The following ZBTB20 variants were observed in gnomAD, a reference collection of about 807,000 sequenced individuals.
ZBTB20 encodes the protein zinc finger and BTB domain containing 20.
Under a neutral mutation model 56.9 loss-of-function variants are expected in ZBTB20, and 9 were observed. That is an observed-to-expected ratio of 0.16 (90% CI 0.10 to 0.28). ZBTB20 has a LOEUF of 0.28. ZBTB20 is among the 10% of genes least tolerant of loss of function. ZBTB20 has a pLI of 1.00. For synonymous variants in ZBTB20, 417 were observed against 420.7 expected, an observed-to-expected ratio of 0.99 and a Z score of 0.11; for missense variants, 655 against 1,003.0, an observed-to-expected ratio of 0.65 and a Z score of 4.69.
chr3:114,900,473 T>C (rs529288009), intron 3 of ZBTB20, 131 bp from the exon 4 acceptor site: 2 of 151,490 alleles, frequency 1.3e-5, no homozygotes, highest in African/African-American at 4.9e-5. Flanking sequence ...TTTTTATCAA[T>C]ATTTTCCCTA....
rs1553778290 is a variant in ZBTB20 at position 114,315,568 on chromosome 3, A to AGAGTGTGTGTGT, written c.*23436_*23437insACACACACACTC. On this transcript the variant is annotated 3_prime_UTR_variant, in exon 12 of 12. Transcript: ENST00000675478. The stretch of plus-strand genomic sequence containing the variant: ...GTGTGTATTTTAGGTCTAAACATAC[A>AGAGTGTGTGTGT]GTGTGTGTGTGTGTGTGTGTGTGTG... 0.011 allele frequency: 1,631 copies of AGAGTGTGTGTGT among 147,690 alleles called. 15 individuals are homozygous for AGAGTGTGTGTGT. Among genetic ancestry groups the AGAGTGTGTGTGT allele is most frequent in the East Asian group, 0.014 (70 of 5,012 alleles). 9.1% of individuals were successfully genotyped at this position (147,690 alleles called of 1,614,324 possible).
chr3:114,420,618 A>G (rs1442736920), intron 7 of ZBTB20, among the ~76,000 whole-genome samples: 2 of 152,100 alleles, frequency 1.3e-5, no homozygotes, highest in South Asian at 2.1e-4. Flanking sequence ...CCATGTCAAG[A>G]CAAGTCCCTG....
At chr3:115,110,834 C>CT (rs1351581339) in intron 1 of ZBTB20, among the ~76,000 whole-genome samples, 1 of 151,718 alleles carries the variant, frequency 6.6e-6, no homozygotes, top group Non-Finnish European at 1.5e-5. Context: ...ACTAAAAATA[C>CT]AAAAATTATC....
chr3:114,521,510 C>T (rs1043157709), intron 6 of ZBTB20, among the ~76,000 whole-genome samples: 6 of 151,852 alleles, frequency 4.0e-5, no homozygotes, highest in Non-Finnish European at 8.8e-5. Context: ...ATCTAGTGCC[C>T]TTTCACTTCA....
At chr3:115,099,131 T>C (rs1331741123) in intron 1 of ZBTB20, among the ~76,000 whole-genome samples, 1 of 152,118 alleles carries the variant, frequency 6.6e-6, no homozygotes, top group Non-Finnish European at 1.5e-5. Flanking sequence ...GTCTGCTAGT[T>C]TGAAATGTAA....
intron 5 of ZBTB20, among the ~76,000 whole-genome samples, chr3:114,723,637 A>G (rs900541048): frequency 6.6e-6 from 1 of 152,186 alleles, no homozygotes; most frequent in Non-Finnish European, 1.5e-5. Flanking sequence ...GGTTTTAGAC[A>G]CAAGATTTTA....
intron 10 of ZBTB20, among the ~76,000 whole-genome samples, chr3:114,361,435 T>G (rs544183076): frequency 2.0e-5 from 3 of 152,328 alleles, no homozygotes; most frequent in Admixed American, 6.5e-5. Context: ...AAGACATTCA[T>G]TTTTGGCTTG....
intron 1 of ZBTB20, among the ~76,000 whole-genome samples, chr3:115,097,541 C>T (rs1337162796): frequency 1.3e-5 from 2 of 152,120 alleles, no homozygotes; most frequent in Non-Finnish European, 2.9e-5. Flanking sequence ...AGCACACACA[C>T]GTCACTCAGT....
At chr3:114,469,641 T>C (rs1392858848) in intron 7 of ZBTB20, among the ~76,000 whole-genome samples, 1 of 152,156 alleles carries the variant, frequency 6.6e-6, no homozygotes, top group African/African-American at 2.4e-5. Context: ...AACACAATGT[T>C]TCCCTGGGCT....
intron 7 of ZBTB20, among the ~76,000 whole-genome samples, chr3:114,435,863 A>G (rs141976682): frequency 1.0e-3 from 153 of 152,294 alleles, no homozygotes; most frequent in African/African-American, 3.5e-3. Flanking sequence ...TCACTGCCAG[A>G]AACTCATCTG....
chr3:114,779,707 G>A (rs2069915440), intron 5 of ZBTB20, among the ~76,000 whole-genome samples: 3 of 152,170 alleles, frequency 2.0e-5, no homozygotes, highest in Non-Finnish European at 4.4e-5. Context: ...CTGTGATGGA[G>A]AAATGGTTGA....
chr3:114,932,897 C>G lies in ZBTB20; in HGVS notation c.-455-32555G>C, dbSNP rs939210503. On this transcript the variant is annotated intron_variant, in intron 3 of 11. Transcript: ENST00000675478. Reference sequence around the variant, plus strand: ...CCTTTTTTTGAACAATAGATTGCAGCAGAAGTGATGCTATGCTAGTTCTAA... The same window carrying G: ...CCTTTTTTTGAACAATAGATTGCAGGAGAAGTGATGCTATGCTAGTTCTAA... Among the ~76,000 whole-genome samples, 8 of 152,252 alleles carry G rather than the reference C, an allele frequency of 5.3e-5. No homozygotes were observed. The South Asian group carries it at 6.2e-4, about 12-fold the overall frequency.
At chr3:114,879,656 G>T (rs534113020) in intron 4 of ZBTB20, among the ~76,000 whole-genome samples, 1 of 152,258 alleles carries the variant, frequency 6.6e-6, no homozygotes, top group African/African-American at 2.4e-5. Flanking sequence ...TGTTTCTGAG[G>T]CTCATTAGAT....
intron 7 of ZBTB20, among the ~76,000 whole-genome samples, chr3:114,484,868 A>T (rs1301756990): frequency 6.6e-6 from 1 of 151,934 alleles, no homozygotes; most frequent in Non-Finnish European, 1.5e-5. Context: ...CGTGTATGGA[A>T]GTGCTTTGAG....
At chr3:114,455,758 C>A (rs2091975858) in intron 7 of ZBTB20, among the ~76,000 whole-genome samples, 1 of 152,102 alleles carries the variant, frequency 6.6e-6, no homozygotes, top group South Asian at 2.1e-4. Flanking sequence ...ACAAAACAAT[C>A]CATCCATCCT....
chr3:114,348,190 T>A (rs2080350131), intron 11 of ZBTB20, among the ~76,000 whole-genome samples: 1 of 152,210 alleles, frequency 6.6e-6, no homozygotes, highest in Non-Finnish European at 1.5e-5. Context: ...CTTGAAGAGA[T>A]GTACAGAGGG....
At chr3:114,840,330 C>T (rs1170137022) in intron 4 of ZBTB20, among the ~76,000 whole-genome samples, 1 of 152,164 alleles carries the variant, frequency 6.6e-6, no homozygotes, top group Non-Finnish European at 1.5e-5. Context: ...CCTTGAAAAT[C>T]AACATACATT....
chr3:114,856,120 T>C (rs980588036), intron 4 of ZBTB20, among the ~76,000 whole-genome samples: 3 of 152,244 alleles, frequency 2.0e-5, no homozygotes, highest in Admixed American at 2.0e-4. Context: ...CCTTCAGATT[T>C]AAAATGAGGG....
intron 6 of ZBTB20, among the ~76,000 whole-genome samples, chr3:114,576,878 T>G (rs78445994): frequency 0.094 from 14,246 of 152,000 alleles, 777 homozygotes; most frequent in African/African-American, 0.14. Flanking sequence ...TATGAGATAG[T>G]ACTAGATATA....
Sources: allele counts gnomAD v4.1 joint callset (sites outside exome capture counted in the v4.1 genomes callset), GRCh38; gene constraint gnomAD v4.1.1; transcripts MANE v1.5; gene names NCBI Gene and HGNC (gene_info 2026-07-23, HGNC 2026-07-21).